The following ADHFE1 variants were observed in gnomAD, a reference collection of about 807,000 sequenced individuals.
ADHFE1 encodes alcohol dehydrogenase iron containing 1, also known as hydroxyacid-oxoacid transhydrogenase, mitochondrial.
ADHFE1 carries 37 observed loss-of-function variants against 54.8 expected under a neutral mutation model. The observed-to-expected ratio is 0.68, with a 90% CI of 0.52 to 0.89. ADHFE1 has a LOEUF of 0.89. Ranked by LOEUF, ADHFE1 falls within the 40% of genes least tolerant of loss-of-function variation. The pLI, the probability that ADHFE1 is intolerant of heterozygous loss-of-function variation, is 0.00. For missense variants in ADHFE1, 601 were observed against 591.2 expected (o/e 1.02, Z -0.17); for synonymous variants, 203 against 229.3 (o/e 0.89, Z 1.04).
At position 66,453,586 on chromosome 8, in the gene ADHFE1, G is replaced by C. The variant is rs62511215; in HGVS notation, c.888-473G>C. The C allele has an allele frequency of 9.0e-3, 6,308 of 704,758 alleles. 42 individuals are homozygous for C. Among genetic ancestry groups the C allele is most frequent in the Non-Finnish European group, 0.011 (4,989 of 448,740 alleles). The allele number at this position is 704,758 out of a possible 1,614,324, so 43.7% of individuals were successfully genotyped here. A position where few individuals can be genotyped will look rare whatever the true frequency, so the allele number is the denominator to read the frequency against. On this transcript the variant is annotated intron_variant, in intron 9 of 13. Transcript: ENST00000396623. ...ACTTCCTCAATAATGTTGGCATAGAGGTGCAGCAACCACAGATATAAAGAG... is the reference window on the plus strand; with the variant it reads ...ACTTCCTCAATAATGTTGGCATAGACGTGCAGCAACCACAGATATAAAGAG...
chr8:66,436,203 C>A (rs1301929564), intron 1 of ADHFE1, among the ~76,000 whole-genome samples: 3 of 152,148 alleles, frequency 2.0e-5, no homozygotes, highest in Admixed American at 2.0e-4. Context: ...AGGTGTGAAC[C>A]ACTGTGCCCA....
intron 8 of ADHFE1, 36 bp downstream of exon 8, chr8:66,449,006 T>C (rs1554563598): frequency 1.3e-6 from 2 of 1,551,918 alleles, no homozygotes; most frequent in South Asian, 1.1e-5. Flanking sequence ...GCTTTTTTAG[T>C]ACTGGGTCTA....
In ADHFE1 at chr8:66,454,087, G is replaced by A. The variant is rs1806449163; in HGVS notation, c.916G>A (p.Ala306Thr). ...RAVRNPDDLE[A>T]RSHMHLASAF... Reference sequence around the variant, plus strand: ...TGTCAGAAATCCCGATGATCTTGAAGCAAGGTCTCATATGCACTTGGCAAG... The same window carrying A: ...TGTCAGAAATCCCGATGATCTTGAAACAAGGTCTCATATGCACTTGGCAAG... Residue 306 changes from alanine to threonine, a missense_variant, in exon 10 of 14, where the codon GCA becomes ACA. By Grantham distance (58) the Ala-to-Thr change is moderately conservative. Coordinates refer to ENST00000396623, the MANE Select transcript of ADHFE1 (RefSeq NM_144650.3). The A allele has an allele frequency of 6.2e-7, 1 of 1,613,990 alleles. No individual in the cohort carries two copies.
intron 1 of ADHFE1, among the ~76,000 whole-genome samples, chr8:66,435,914 C>CTT (rs35544367): frequency 1.0e-3 from 104 of 102,548 alleles, no homozygotes; most frequent in South Asian, 3.8e-3. Flanking sequence ...TAGCAAGATT[C>CTT]TTTTTTTTTT....
intron 8 of ADHFE1, among the ~76,000 whole-genome samples, chr8:66,450,472 C>T (rs540242895): frequency 2.0e-5 from 3 of 152,194 alleles, no homozygotes; most frequent in Non-Finnish European, 2.9e-5. Context: ...GTGGACAAGC[C>T]ATGTATTAAA....
intron 12 of ADHFE1, chr8:66,459,431 T>TATATATATATATA (rs60104059): frequency 3.2e-3 from 305 of 95,394 alleles, no homozygotes; most frequent in African/African-American, 0.012. Context: ...TATATATATA[T>TATATATATATATA]TTTTTTTTTT....
rs993389923 is a variant in ADHFE1 at position 66,468,858 on chromosome 8, A to C, written c.*506A>C. ...ATAGATCACTTATAGTATACTAGACAGTGGAATACTATGGTACTGTTAATA... is the reference window on the plus strand; with the variant it reads ...ATAGATCACTTATAGTATACTAGACCGTGGAATACTATGGTACTGTTAATA... On this transcript the variant is annotated 3_prime_UTR_variant, in exon 14 of 14. Transcript: ENST00000396623. The C allele has an allele frequency of 1.3e-5, 2 of 152,380 alleles. No individual in the cohort carries two copies. The highest frequency in any genetic ancestry group is 2.4e-5 in the African/African-American group (1 of 41,468). The allele number at this position is 152,380 out of a possible 1,614,324, so 9.4% of individuals were successfully genotyped here.
intron 6 of ADHFE1, among the ~76,000 whole-genome samples, chr8:66,446,388 T>C (rs1806023863): frequency 6.6e-6 from 1 of 152,230 alleles, no homozygotes; most frequent in Admixed American, 6.5e-5. Context: ...ACAGCAAATA[T>C]GAGTTTTGTT....
At chr8:66,449,304 G>A (rs548284593) in intron 8 of ADHFE1, among the ~76,000 whole-genome samples, 1 of 151,978 alleles carries the variant, frequency 6.6e-6, no homozygotes, top group Non-Finnish European at 1.5e-5. Flanking sequence ...CATCTCAGGG[G>A]ATAAAGGGGC....
At chr8:66,445,110 A>AG in intron 5 of ADHFE1, 108 bp from the exon 6 acceptor site, 2 of 1,143,746 alleles carry the variant, frequency 1.7e-6, no homozygotes, top group Non-Finnish European at 2.4e-6. Flanking sequence ...CAAAAAAAAA[A>AG]CAAAAACAAA....
rs774801656 is a variant in ADHFE1 at position 66,440,128 on chromosome 8, A to T, written c.60-34A>T. ...ATTTTTTGGTCTCTATTTTCACCTT[A>T]GGTTTTTTTTGCTGTCGTTTTTATT... is the stretch of plus-strand genomic sequence containing the variant. On this transcript the variant is annotated intron_variant, in intron 1 of 13. Coordinates refer to ENST00000396623, the MANE Select transcript of ADHFE1 (RefSeq NM_144650.3). 6 of 1,604,118 alleles carry T rather than the reference A, an allele frequency of 3.7e-6. No individual in the cohort carries two copies. The African/African-American group carries it at 5.4e-5, about 14-fold the overall frequency.
At chr8:66,457,622 T>G (rs61484440) in intron 12 of ADHFE1, among the ~76,000 whole-genome samples, 4,629 of 150,362 alleles carry the variant, frequency 0.031, 137 homozygotes, top group African/African-American at 0.053. Flanking sequence ...CTCAGACGTT[T>G]GAGACCAGCC....
chr8:66,432,998 G>A, intron 1 of ADHFE1: 1 of 769,058 alleles, frequency 1.3e-6, no homozygotes, highest in Non-Finnish European at 1.6e-6. Flanking sequence ...AGGTCTAGTG[G>A]GGAATGGGAT....
intron 13 of ADHFE1, among the ~76,000 whole-genome samples, chr8:66,461,057 T>A (rs1806872302): frequency 6.6e-6 from 1 of 152,222 alleles, no homozygotes; most frequent in Admixed American, 6.5e-5. Flanking sequence ...AGAATCATAC[T>A]AGGTGTAAAG....
intron 13 of ADHFE1, among the ~76,000 whole-genome samples, chr8:66,460,970 T>G (rs1806868525): frequency 1.3e-5 from 2 of 152,236 alleles, no homozygotes. Context: ...TTGATACATA[T>G]CTGTGTCACT....
chr8:66,455,809 G>A (rs1806553620), intron 10 of ADHFE1, among the ~76,000 whole-genome samples: 2 of 152,228 alleles, frequency 1.3e-5, no homozygotes, highest in South Asian at 4.2e-4. Context: ...TGTAGTCCCA[G>A]CTACTCAAAC....
At chr8:66,434,245 A>T (rs1337078724) in intron 1 of ADHFE1, among the ~76,000 whole-genome samples, 1 of 152,196 alleles carries the variant, frequency 6.6e-6, no homozygotes, top group African/African-American at 2.4e-5. Flanking sequence ...TAGGAGAGTT[A>T]GTGTTAGGAG....
chr8:66,468,706 A>G lies in ADHFE1; in HGVS notation c.*354A>G, dbSNP rs1405060963. 1.3e-5 allele frequency: 2 copies of G among 156,066 alleles called. No individual in the cohort carries two copies. The highest frequency in any genetic ancestry group is 2.4e-5 in the African/African-American group (1 of 41,506). 9.7% of individuals were successfully genotyped at this position (156,066 alleles called of 1,614,324 possible). On this transcript the variant is annotated 3_prime_UTR_variant, in exon 14 of 14. Transcript: ENST00000396623. ...TTTCCTATGCCTAGTAATTCACTTC[A>G]TGTCTAAAAATTTATCTGATAGAAA...
intron 3 of ADHFE1, among the ~76,000 whole-genome samples, chr8:66,443,187 G>T (rs1473542451): frequency 6.7e-6 from 1 of 149,734 alleles, no homozygotes; most frequent in Non-Finnish European, 1.5e-5. Context: ...AACAATTCTG[G>T]TGTATTTTTA....
Sources: allele counts gnomAD v4.1 joint callset (sites outside exome capture counted in the v4.1 genomes callset), GRCh38; gene constraint gnomAD v4.1.1; transcripts MANE v1.5; gene names NCBI Gene and HGNC (gene_info 2026-07-23, HGNC 2026-07-21).